KLF12: variants seen among roughly 807,000 people sequenced by gnomAD.
The protein encoded by KLF12 is KLF transcription factor 12.
A neutral mutation model predicts 37.8 loss-of-function variants in KLF12; 9 were observed. That is an observed-to-expected ratio of 0.24 (90% CI 0.14 to 0.42). The LOEUF is 0.42. Ranked by LOEUF, KLF12 falls within the 10% of genes least tolerant of loss-of-function variation. The pLI is 1.00. For synonymous variants in KLF12, 208 were observed against 202.1 expected (o/e 1.03, Z -0.25); for missense variants, 411 against 516.0 (o/e 0.80, Z 1.97).
chr13:74,251,172 G>A, the KLF12 span, among the ~76,000 whole-genome samples: 331 of 152,004 alleles, frequency 2.2e-3, 2 homozygotes, highest in African/African-American at 7.1e-3. Flanking sequence ...TTTTTTTTGA[G>A]ATGGAGTCTA....
the KLF12 span, among the ~76,000 whole-genome samples, chr13:74,215,661 C>T: frequency 1.3e-5 from 2 of 152,146 alleles, no homozygotes; most frequent in Non-Finnish European, 2.9e-5. Flanking sequence ...TGTTGCAGAA[C>T]TCGTACCCTC....
At chr13:73,956,343 G>A (rs1383496642) in intron 2 of KLF12, among the ~76,000 whole-genome samples, 2 of 152,184 alleles carry the variant, frequency 1.3e-5, no homozygotes, top group South Asian at 2.1e-4. Flanking sequence ...ATTTGAGGAA[G>A]TCCATTGTTG....
At chr13:73,869,549 A>G (rs945171273) in intron 3 of KLF12, among the ~76,000 whole-genome samples, 2 of 152,074 alleles carry the variant, frequency 1.3e-5, no homozygotes, top group South Asian at 2.1e-4. Context: ...TATCTGGCCC[A>G]GTCCCCTTAT....
chr13:74,038,768 G>C (rs189680753), intron 1 of KLF12, among the ~76,000 whole-genome samples: 1 of 152,222 alleles, frequency 6.6e-6, no homozygotes, highest in African/African-American at 2.4e-5. Flanking sequence ...AAGAAAGGGG[G>C]TTGTGTTTGA....
chr13:73,830,094 T>C (rs1463583397), intron 4 of KLF12, among the ~76,000 whole-genome samples: 2 of 152,154 alleles, frequency 1.3e-5, no homozygotes, highest in Admixed American at 1.3e-4. Context: ...AGTTGCAAGG[T>C]GGATAATGAG....
At chr13:74,261,422 C>T in the KLF12 span, among the ~76,000 whole-genome samples, 6 of 151,986 alleles carry the variant, frequency 3.9e-5, no homozygotes, top group Non-Finnish European at 7.4e-5. Context: ...AAAAGTGCTT[C>T]GGTGGAAGCA....
chr13:74,261,629 A>G, the KLF12 span, among the ~76,000 whole-genome samples: 1 of 152,248 alleles, frequency 6.6e-6, no homozygotes, highest in Non-Finnish European at 1.5e-5. Context: ...ACAGATATAT[A>G]TGATTTAGAT....
intron 2 of KLF12, among the ~76,000 whole-genome samples, chr13:73,990,927 G>A (rs960856290): frequency 4.6e-5 from 7 of 152,084 alleles, no homozygotes; most frequent in South Asian, 2.1e-4. Flanking sequence ...AATGTTCACC[G>A]AATATGAACA....
rs139262414 is a variant in KLF12, at chr13:73,916,729, T to C, written c.123+27252A>G. On this transcript the variant is annotated intron_variant, in intron 3 of 7. Coordinates refer to ENST00000377669, the MANE Select transcript of KLF12 (RefSeq NM_007249.5). ...CTTAAGTATGATCATTTAGGTTTGA[T>C]GTATGGAGTGAGAAGGTAGAAGCTT... is the stretch of plus-strand genomic sequence containing the variant. Among the ~76,000 whole-genome samples, 38 of 152,312 alleles carry C rather than the reference T, an allele frequency of 2.5e-4. No homozygotes were observed. In the East Asian group the frequency reaches 7.1e-3, roughly 29 times the overall value.
intron 1 of KLF12, among the ~76,000 whole-genome samples, chr13:74,074,865 T>C (rs1184755796): frequency 6.6e-6 from 1 of 152,082 alleles, no homozygotes; most frequent in Non-Finnish European, 1.5e-5. Flanking sequence ...AAGTGACAGA[T>C]AATGCTTGGA....
chr13:74,000,737 ACT>A (rs1892257691), intron 1 of KLF12, among the ~76,000 whole-genome samples: 2 of 152,074 alleles, frequency 1.3e-5, no homozygotes, highest in Admixed American at 1.3e-4. Context: ...CATGGAAATT[ACT>A]CTTTTAATCT....
chr13:73,824,183 G>A (rs779577867), intron 4 of KLF12, among the ~76,000 whole-genome samples: 1 of 151,648 alleles, frequency 6.6e-6, no homozygotes, highest in Non-Finnish European at 1.5e-5. Flanking sequence ...TGATAAACAC[G>A]TATACACAGA....
At chr13:73,906,081 TCAC>T (rs1329979760) in intron 3 of KLF12, among the ~76,000 whole-genome samples, 1 of 152,182 alleles carries the variant, frequency 6.6e-6, no homozygotes, top group Non-Finnish European at 1.5e-5. Flanking sequence ...TCATCAACTC[TCAC>T]CACAACGATT....
At chr13:74,127,323 C>T (rs911568251) in intron 1 of KLF12, among the ~76,000 whole-genome samples, 5 of 152,080 alleles carry the variant, frequency 3.3e-5, no homozygotes, top group Non-Finnish European at 7.3e-5. Context: ...TGGTTGACAG[C>T]GTTGAATATA....
chr13:74,242,272 A>T, the KLF12 span, among the ~76,000 whole-genome samples: 2 of 152,336 alleles, frequency 1.3e-5, no homozygotes, highest in East Asian at 3.9e-4. Flanking sequence ...GCTGATAAAG[A>T]CATATCTGTG....
At position 73,822,113 on chromosome 13, in the gene KLF12, A is replaced by G. The variant is rs74095776; in HGVS notation, c.671-8826T>C. Reference sequence around the variant, plus strand: ...AAATGATCACAGTAATTCCCAGCTGATGAGAGATTCTGCAATATAATGATG... The same window carrying G: ...AAATGATCACAGTAATTCCCAGCTGGTGAGAGATTCTGCAATATAATGATG... On this transcript the variant is annotated intron_variant, in intron 4 of 7. Transcript: ENST00000377669. 7.3e-3 allele frequency among the ~76,000 whole-genome samples: 1,110 copies of G among 152,328 alleles called. 15 individuals carry two copies. The highest frequency in any genetic ancestry group is 0.025 in the African/African-American group (1,033 of 41,570).
intron 1 of KLF12, among the ~76,000 whole-genome samples, chr13:74,043,023 G>A (rs1237836155): frequency 6.7e-6 from 1 of 149,734 alleles, no homozygotes; most frequent in Admixed American, 6.7e-5. Context: ...AAAAAAGAAA[G>A]GGCAAAAAGA....
At chr13:73,855,550 T>A (rs2138757418) in intron 3 of KLF12, among the ~76,000 whole-genome samples, 1 of 152,322 alleles carries the variant, frequency 6.6e-6, no homozygotes, top group South Asian at 2.1e-4. Context: ...AGTGCTGCAA[T>A]GAATATATGG....
intron 5 of KLF12, among the ~76,000 whole-genome samples, chr13:73,808,142 T>C (rs28690373): frequency 0.2 from 30,395 of 152,122 alleles, 3,617 homozygotes; most frequent in East Asian, 0.46. Flanking sequence ...ATAACTATGT[T>C]TGTCAAGTTG....
Sources: gnomAD v4.1 joint callset for allele counts (sites outside exome capture counted in the v4.1 genomes callset) on GRCh38, gnomAD v4.1.1 for gene constraint, MANE v1.5 for transcripts, NCBI Gene and HGNC (gene_info 2026-07-23, HGNC 2026-07-21) for gene names.